Variants in ZRANB3 observed in about 807,000 individuals in gnomAD.
ZRANB3 encodes the protein DNA annealing helicase and endonuclease ZRANB3.
ZRANB3 carries 125 observed loss-of-function variants against 133.8 expected under a neutral mutation model. The observed-to-expected ratio is 0.93, with a 90% CI of 0.81 to 1.08. The LOEUF (loss-of-function observed/expected upper bound fraction) is 1.08, where lower values mean the gene tolerates loss of function less well. Ranked by LOEUF, ZRANB3 falls within the 50% of genes least tolerant of loss-of-function variation. The pLI is 0.00. For synonymous variants in ZRANB3, 387 were observed against 432.7 expected, an observed-to-expected ratio of 0.89 and a Z score of 1.31; for missense variants, 1,229 against 1,275.5, an observed-to-expected ratio of 0.96 and a Z score of 0.56.
intron 2 of ZRANB3, among the ~76,000 whole-genome samples, chr2:135,478,985 C>T (rs982653253): frequency 7.3e-5 from 11 of 151,544 alleles, no homozygotes; most frequent in African/African-American, 2.7e-4. Flanking sequence ...GGAAGGATTA[C>T]TAGCTCTCAG....
chr2:135,518,301 G>T (rs573150735), intron 1 of ZRANB3, among the ~76,000 whole-genome samples: 22 of 152,150 alleles, frequency 1.4e-4, no homozygotes, highest in African/African-American at 5.1e-4. Context: ...GAGCCACTGT[G>T]GTATGAAAAA....
At chr2:135,441,985 T>C (rs546401103) in intron 2 of ZRANB3, among the ~76,000 whole-genome samples, 5 of 152,216 alleles carry the variant, frequency 3.3e-5, no homozygotes, top group Middle Eastern at 3.4e-3. Flanking sequence ...GAGGGATATA[T>C]CGCCATATGT....
chr2:135,446,143 T>C (rs1306217925), intron 2 of ZRANB3, among the ~76,000 whole-genome samples: 1 of 150,278 alleles, frequency 6.7e-6, no homozygotes, highest in Non-Finnish European at 1.5e-5. Flanking sequence ...GAGGCAGAGG[T>C]TGCAGTGAGC....
chr2:135,349,934 TC>T, intron 5 of ZRANB3, 49 bp downstream of exon 5: 1 of 1,546,380 alleles, frequency 6.5e-7, no homozygotes, highest in Non-Finnish European at 8.9e-7. Flanking sequence ...TCAATACGCC[TC>T]CCACCCCCCT....
At chr2:135,448,993 T>C (rs561858035) in intron 2 of ZRANB3, among the ~76,000 whole-genome samples, 1 of 152,270 alleles carries the variant, frequency 6.6e-6, no homozygotes, top group East Asian at 1.9e-4. Context: ...AAAATAGAAA[T>C]AACCTAGTAC....
intron 6 of ZRANB3, among the ~76,000 whole-genome samples, chr2:135,338,757 A>G (rs982633273): frequency 2.0e-5 from 3 of 152,240 alleles, no homozygotes; most frequent in African/African-American, 7.2e-5. Context: ...TGTATTATTT[A>G]CTAAACACGC....
intron 2 of ZRANB3, among the ~76,000 whole-genome samples, chr2:135,406,806 T>C (rs939508539): frequency 1.1e-4 from 17 of 152,182 alleles, no homozygotes; most frequent in African/African-American, 3.9e-4. Flanking sequence ...AAATTAGGTA[T>C]TGATGGGATG....
Position 135,198,796 on chromosome 2 carries a change from A to ATGAC in ZRANB3, c.*1542_*1545dup, listed in dbSNP as rs1693502326. 6.6e-6 allele frequency: 1 copy of ATGAC among 152,230 alleles called. No homozygotes were observed. Among genetic ancestry groups the ATGAC allele is most frequent in the African/African-American group, 2.4e-5 (1 of 41,450 alleles). 9.4% of individuals were successfully genotyped at this position (152,230 alleles called of 1,614,324 possible). ...CAACTTCATTTATAAAATAACCAAC[A>ATGAC]TGACTTGATCTCATACAATGAAATA... On this transcript the variant is annotated 3_prime_UTR_variant, in exon 21 of 21. Transcript: ENST00000264159.
At chr2:135,360,924 G>T (rs1293351185) in intron 3 of ZRANB3, among the ~76,000 whole-genome samples, 3 of 138,258 alleles carry the variant, frequency 2.2e-5, no homozygotes, top group Non-Finnish European at 4.4e-5. Context: ...ACACCACCAT[G>T]CCTGTTTTTG....
At chr2:135,318,485 T>G (rs1683365704) in intron 6 of ZRANB3, among the ~76,000 whole-genome samples, 1 of 152,100 alleles carries the variant, frequency 6.6e-6, no homozygotes, top group Non-Finnish European at 1.5e-5. Flanking sequence ...AAGATGAATG[T>G]TGAAGATATA....
In ZRANB3 at chr2:135,202,910, G is replaced by A. The variant is rs1487321080; in HGVS notation, c.3063C>T (p.His1021=). The part of the protein sequence containing the change: ...PGEGHFWQVD[H]IKPVYGGGGQ... ...CTCCTCCCCCATACACTGGCTTGAT[G>A]TGATCCACCTGCCAGAAATGTCCTT... The change falls in exon 20 of 21, where the codon CAC becomes CAT. Residue 1021 remains histidine, a synonymous_variant. Transcript: ENST00000264159. The A allele has an allele frequency of 6.2e-7, 1 of 1,612,606 alleles. No homozygotes were observed. Among genetic ancestry groups the A allele is most frequent in the Admixed American group, 1.7e-5 (1 of 59,868 alleles).
chr2:135,508,977 T>C (rs1042413696), intron 1 of ZRANB3, among the ~76,000 whole-genome samples: 1 of 152,036 alleles, frequency 6.6e-6, no homozygotes, highest in Non-Finnish European at 1.5e-5. Context: ...TCAATATATA[T>C]ATACTAATTT....
At chr2:135,284,625 C>T (rs968833448) in intron 8 of ZRANB3, among the ~76,000 whole-genome samples, 1 of 152,148 alleles carries the variant, frequency 6.6e-6, no homozygotes, top group African/African-American at 2.4e-5. Flanking sequence ...GCGCCTGTCA[C>T]CACGCCCGGC....
intron 8 of ZRANB3, among the ~76,000 whole-genome samples, chr2:135,303,892 A>G (rs1682560953): frequency 6.6e-6 from 1 of 152,116 alleles, no homozygotes; most frequent in African/African-American, 2.4e-5. Context: ...ATGATTTTGG[A>G]TGCTATTTCA....
chr2:135,271,907 C>T lies in ZRANB3; in HGVS notation c.1087-20G>A, dbSNP rs1392020886. The T allele has an allele frequency of 1.0e-5, 16 of 1,603,818 alleles. No individual in the cohort carries two copies. The highest frequency in any genetic ancestry group is 2.7e-5 in the African/African-American group (2 of 74,546). ...ACGAGTCTAGCATCAACAAGGAAAA[C>T]GGCAAAATTAGGACAAGGCCCTATG... On this transcript the variant is annotated intron_variant, in intron 9 of 20. Transcript: ENST00000264159.
At chr2:135,303,528 A>C (rs1319408341) in intron 8 of ZRANB3, among the ~76,000 whole-genome samples, 1 of 152,116 alleles carries the variant, frequency 6.6e-6, no homozygotes, top group Non-Finnish European at 1.5e-5. Flanking sequence ...CTGACAATCT[A>C]TGTGAGGTTC....
At chr2:135,301,603 C>T (rs1682435812) in intron 8 of ZRANB3, among the ~76,000 whole-genome samples, 1 of 152,118 alleles carries the variant, frequency 6.6e-6, no homozygotes, top group Non-Finnish European at 1.5e-5. Flanking sequence ...ATATGTCTTT[C>T]CGGTTATTCT....
intron 15 of ZRANB3, among the ~76,000 whole-genome samples, chr2:135,219,817 G>GT (rs1347042269): frequency 1.3e-5 from 2 of 152,148 alleles, no homozygotes; most frequent in Admixed American, 6.6e-5. Context: ...CACCTGGAGA[G>GT]TAAGTGGAAC....
At chr2:135,488,476 T>C (rs1559032717) in intron 2 of ZRANB3, among the ~76,000 whole-genome samples, 1 of 151,868 alleles carries the variant, frequency 6.6e-6, no homozygotes, top group Non-Finnish European at 1.5e-5. Flanking sequence ...AAGTATGCTA[T>C]ATAATCAAAT....
Sources: gnomAD v4.1 joint callset for allele counts (sites outside exome capture counted in the v4.1 genomes callset) on GRCh38, gnomAD v4.1.1 for gene constraint, MANE v1.5 for transcripts, NCBI Gene and HGNC (gene_info 2026-07-23, HGNC 2026-07-21) for gene names.